TENM4: variants seen among roughly 807,000 people sequenced by gnomAD.
TENM4 encodes teneurin transmembrane protein 4.
TENM4 carries 82 observed loss-of-function variants against 243.3 expected under a neutral mutation model. The ratio of observed to expected loss-of-function variants is 0.34; its 90% CI spans 0.28 to 0.40. TENM4 has a LOEUF of 0.40. Among genes scored for constraint, TENM4 ranks in the 10% least tolerant of loss-of-function variants. The pLI is 1.00. For missense variants in TENM4, 3,138 were observed against 3,673.3 expected (o/e 0.85, Z 3.77); for synonymous variants, 1,412 against 1,456.3 (o/e 0.97, Z 0.69).
chr11:79,089,204 G>A (rs60692020), intron 4 of TENM4, among the ~76,000 whole-genome samples: 41,140 of 152,098 alleles, frequency 0.27, 5,668 homozygotes, highest in East Asian at 0.42. Context: ...CTTAGACTCT[G>A]TGCCTGCTCC....
At chr11:79,142,656 A>G (rs1305237998) in intron 4 of TENM4, among the ~76,000 whole-genome samples, 2 of 152,128 alleles carry the variant, frequency 1.3e-5, no homozygotes, top group African/African-American at 4.8e-5. Flanking sequence ...TGGAGCCACA[A>G]AAGACCTGGA....
chr11:79,405,190 A>G (rs1255973871), intron 1 of TENM4, among the ~76,000 whole-genome samples: 1 of 152,168 alleles, frequency 6.6e-6, no homozygotes, highest in Non-Finnish European at 1.5e-5. Context: ...TATTATTATT[A>G]ACATTATTAT....
Position 78,863,081 on chromosome 11 carries a change from A to G in TENM4, c.1136T>C (p.Met379Thr). Reference sequence around the variant, plus strand: ...GGCTGTGTCCTCCGTGATCTCATACATCTGCCCCTCCATCGGCTGCAGGTG... The same window carrying G: ...GGCTGTGTCCTCCGTGATCTCATACGTCTGCCCCTCCATCGGCTGCAGGTG... ...NWHLQPMEGQ[M>T]YEITEDTASS... Residue 379 changes from methionine to threonine, a missense_variant, in exon 10 of 34, where the codon ATG (methionine) becomes ACG (threonine). Met to Thr is a moderately conservative substitution (Grantham distance 81). Coordinates refer to ENST00000278550, the MANE Select transcript of TENM4 (RefSeq NM_001098816.3). 6.5e-7 allele frequency: 1 copy of G among 1,533,438 alleles called. No homozygotes were observed. The highest frequency in any genetic ancestry group is 8.8e-7 in the Non-Finnish European group (1 of 1,133,438). The allele number at this position is 1,533,438 out of a possible 1,614,324, so 95.0% of individuals were successfully genotyped here. A position where few individuals can be genotyped will look rare whatever the true frequency, so the allele number is the denominator to read the frequency against.
At chr11:79,004,413 C>T (rs557521114) in intron 6 of TENM4, among the ~76,000 whole-genome samples, 4 of 152,246 alleles carry the variant, frequency 2.6e-5, no homozygotes, top group East Asian at 1.9e-4. Context: ...ATACCAACCA[C>T]GCTCTTGGAC....
intron 6 of TENM4, among the ~76,000 whole-genome samples, chr11:78,916,621 C>T (rs1565124584): frequency 6.6e-6 from 1 of 152,108 alleles, no homozygotes; most frequent in Admixed American, 6.5e-5. Flanking sequence ...TTTATTGACA[C>T]ATGACAATGA....
chr11:79,138,157 T>A (rs1380268516), intron 4 of TENM4, among the ~76,000 whole-genome samples: 1 of 150,768 alleles, frequency 6.6e-6, no homozygotes, highest in Non-Finnish European at 1.5e-5. Flanking sequence ...CCAGCCTACA[T>A]CTTTCTCTCA....
intron 9 of TENM4, among the ~76,000 whole-genome samples, chr11:78,864,397 G>A (rs561784948): frequency 2.0e-4 from 23 of 113,238 alleles, no homozygotes; most frequent in Admixed American, 3.8e-4. Context: ...TCCCGCCACT[G>A]CACTCCAGCC....
rs542903738 is a variant in TENM4, at chr11:79,173,479, C to T, written c.-162-24673G>A. Among the ~76,000 whole-genome samples the T allele has an allele frequency of 5.3e-5, 8 of 152,274 alleles. No homozygotes were observed. The East Asian group carries it at 7.7e-4, about 15-fold the overall frequency. ...CTGCCTCATCCAACGTGGCCTATCA[C>T]CAGGTGGGTCAGTCTGCCTAATTCT... On this transcript the variant is annotated intron_variant, in intron 3 of 33. Transcript: ENST00000278550.
At position 78,656,601 on chromosome 11, in the gene TENM4, G is replaced by T; in HGVS notation, c.*1457C>A. On this transcript the variant is annotated 3_prime_UTR_variant, in exon 34 of 34. Coordinates refer to ENST00000278550, the MANE Select transcript of TENM4 (RefSeq NM_001098816.3). ...GCTCAGGCCTCTCCCTGACGACACA[G>T]GCACAGTTCTTCACAGGAATCATGC... is the stretch of plus-strand genomic sequence containing the variant. The T allele has an allele frequency of 6.5e-6, 1 of 154,834 alleles. No homozygotes were observed. The highest frequency in any genetic ancestry group is 1.4e-5 in the Non-Finnish European group (1 of 69,730). 9.6% of individuals were successfully genotyped at this position (154,834 alleles called of 1,614,324 possible). A position where few individuals can be genotyped will look rare whatever the true frequency, so the allele number is the denominator to read the frequency against.
chr11:79,244,528 G>A (rs1454510132), intron 2 of TENM4, among the ~76,000 whole-genome samples: 24 of 152,044 alleles, frequency 1.6e-4, no homozygotes, highest in Non-Finnish European at 1.5e-5. Context: ...GATAGGAGAG[G>A]CCAGAGAATT....
intron 2 of TENM4, among the ~76,000 whole-genome samples, chr11:79,230,217 C>T (rs1257965449): frequency 2.0e-5 from 3 of 152,208 alleles, no homozygotes; most frequent in African/African-American, 7.2e-5. Flanking sequence ...CGCTGGTCAT[C>T]CTTAGCCACT....
chr11:78,810,224 AAAT>A (rs1420894966), intron 14 of TENM4, among the ~76,000 whole-genome samples: 2 of 152,244 alleles, frequency 1.3e-5, no homozygotes, highest in African/African-American at 4.8e-5. Context: ...AGAGAAACAG[AAAT>A]AATAATGGGA....
At chr11:78,957,279 A>C (rs1433080922) in intron 6 of TENM4, among the ~76,000 whole-genome samples, 3 of 152,188 alleles carry the variant, frequency 2.0e-5, no homozygotes, top group African/African-American at 4.8e-5. Flanking sequence ...AAAGAAGCAC[A>C]TCCAAGTAAC....
intron 15 of TENM4, among the ~76,000 whole-genome samples, chr11:78,798,886 C>T (rs2136068938): frequency 6.6e-6 from 1 of 152,266 alleles, no homozygotes; most frequent in African/African-American, 2.4e-5. Flanking sequence ...TGCTTTTGTG[C>T]TCCCAAACCC....
intron 1 of TENM4, among the ~76,000 whole-genome samples, chr11:79,416,743 C>T (rs969523154): frequency 2.4e-4 from 37 of 152,168 alleles, no homozygotes; most frequent in African/African-American, 8.9e-4. Context: ...TAATTGGTGG[C>T]AGGCTCAGGG....
chr11:79,145,179 A>C (rs993705621), intron 4 of TENM4, among the ~76,000 whole-genome samples: 2 of 152,100 alleles, frequency 1.3e-5, no homozygotes, highest in Non-Finnish European at 2.9e-5. Context: ...TCACTTAATG[A>C]TGTTTGTCCT....
intron 4 of TENM4, among the ~76,000 whole-genome samples, chr11:79,078,630 T>C (rs1860588896): frequency 6.6e-6 from 1 of 152,226 alleles, no homozygotes; most frequent in African/African-American, 2.4e-5. Context: ...CTGAGGTCTG[T>C]ACTCTCTGTT....
intron 28 of TENM4, among the ~76,000 whole-genome samples, chr11:78,693,735 C>G (rs1021937162): frequency 3.9e-5 from 6 of 152,116 alleles, no homozygotes; most frequent in Non-Finnish European, 5.9e-5. Context: ...TCATATAGGC[C>G]AGGCGCAGTG....
intron 19 of TENM4, 55 bp from the exon 20 acceptor site, chr11:78,738,625 G>A: frequency 6.4e-7 from 1 of 1,569,632 alleles, no homozygotes; most frequent in African/African-American, 1.3e-5. Context: ...TCAGAGCCCT[G>A]GCTGGCAGGG....
Sources: gnomAD v4.1 joint callset for allele counts (sites outside exome capture counted in the v4.1 genomes callset) on GRCh38, gnomAD v4.1.1 for gene constraint, MANE v1.5 for transcripts, NCBI Gene and HGNC (gene_info 2026-07-23, HGNC 2026-07-21) for gene names.